SETBP1: variants seen among roughly 807,000 people sequenced by gnomAD.
The protein encoded by SETBP1 is SET-binding protein.
A neutral mutation model predicts 101.0 loss-of-function variants in SETBP1; 9 were observed. The observed-to-expected ratio is 0.09, with a 90% CI of 0.05 to 0.16. The LOEUF (loss-of-function observed/expected upper bound fraction) is 0.16. SETBP1 is among the 10% of genes least tolerant of loss of function. The pLI, the probability that SETBP1 is intolerant of heterozygous loss-of-function variation, is 1.00. For synonymous variants in SETBP1, 818 were observed against 788.5 expected (o/e 1.04, Z -0.63); for missense variants, 1,858 against 2,033.8 (o/e 0.91, Z 1.66).
chr18:44,952,678 A>G lies in SETBP1; in HGVS notation c.3338A>G (p.His1113Arg). 1 of 1,614,166 alleles carries G rather than the reference A, an allele frequency of 6.2e-7. No homozygotes were observed. Among genetic ancestry groups the G allele is most frequent in the Non-Finnish European group, 8.5e-7 (1 of 1,180,034 alleles). The change falls in exon 4 of 6, where the codon CAT becomes CGT. Residue 1113 changes from histidine (H) to arginine (R), a missense_variant. Physicochemically the swap from His to Arg is conservative, Grantham distance 29. Coordinates refer to ENST00000649279, the MANE Select transcript of SETBP1 (RefSeq NM_015559.3). ...MSGAAKHKAK[H>R]GVHLQGPVSM... ...GGTGCAGCTAAGCATAAAGCCAAGC[A>G]TGGAGTACACCTGCAGGGACCTGTT...
intron 3 of SETBP1, chr18:44,877,295 C>A: frequency 1.4e-6 from 1 of 722,916 alleles, no homozygotes; most frequent in Non-Finnish European, 1.7e-6. Flanking sequence ...AAAGTTTCCA[C>A]ACAAAAAGTA....
At chr18:44,835,884 A>C (rs190213104) in intron 2 of SETBP1, among the ~76,000 whole-genome samples, 2 of 152,360 alleles carry the variant, frequency 1.3e-5, no homozygotes, top group African/African-American at 4.8e-5. Flanking sequence ...AAACTCCTAG[A>C]GTAAGAATGT....
chr18:44,848,468 G>A (rs1469035237), intron 2 of SETBP1, among the ~76,000 whole-genome samples: 1 of 152,128 alleles, frequency 6.6e-6, no homozygotes, highest in East Asian at 1.9e-4. Context: ...AGCCATGTTG[G>A]GTTATATGTG....
intron 4 of SETBP1, among the ~76,000 whole-genome samples, chr18:44,967,946 T>A (rs946278315): frequency 6.6e-6 from 1 of 152,220 alleles, no homozygotes; most frequent in Non-Finnish European, 1.5e-5. Flanking sequence ...TAAGTACCTG[T>A]GTTCTTTGTA....
chr18:45,052,965 T>G lies in SETBP1; in HGVS notation c.4172-10114T>G, dbSNP rs186599360. ...CAGACTAGAATATTAATTCACAAAG[T>G]TAATAAAATTAAACTTTGCAGATTT... On this transcript the variant is annotated intron_variant, in intron 5 of 5. Coordinates refer to ENST00000649279, the MANE Select transcript of SETBP1 (RefSeq NM_015559.3). Among the ~76,000 whole-genome samples the G allele has an allele frequency of 7.9e-3, 1,209 of 152,250 alleles. 20 individuals carry two copies. The highest frequency in any genetic ancestry group is 0.027 in the African/African-American group (1,127 of 41,546).
chr18:44,791,730 A>G (rs1180433851), intron 2 of SETBP1, among the ~76,000 whole-genome samples: 1 of 152,104 alleles, frequency 6.6e-6, no homozygotes, highest in Non-Finnish European at 1.5e-5. Context: ...CGAGAGAGAG[A>G]GAGAGAGAGA....
chr18:44,807,061 C>G (rs2071758754), intron 2 of SETBP1, among the ~76,000 whole-genome samples: 1 of 152,092 alleles, frequency 6.6e-6, no homozygotes, highest in Admixed American at 6.6e-5. Context: ...TTAATCTTCA[C>G]CCCCTAACTA....
At chr18:44,993,482 A>T (rs1395381332) in intron 4 of SETBP1, among the ~76,000 whole-genome samples, 1 of 152,088 alleles carries the variant, frequency 6.6e-6, no homozygotes, top group African/African-American at 2.4e-5. Flanking sequence ...AATCCTTTTG[A>T]TATATTTTTC....
At chr18:45,055,505 T>G (rs1039470199) in intron 5 of SETBP1, among the ~76,000 whole-genome samples, 2 of 152,188 alleles carry the variant, frequency 1.3e-5, no homozygotes, top group African/African-American at 4.8e-5. Flanking sequence ...TTTTTAATAG[T>G]TTTTTAAGGA....
intron 4 of SETBP1, among the ~76,000 whole-genome samples, chr18:45,025,722 A>T (rs2073151988): frequency 6.6e-6 from 1 of 152,196 alleles, no homozygotes; most frequent in South Asian, 2.1e-4. Flanking sequence ...AACAAGGGGA[A>T]TGTATGCTGA....
At chr18:44,902,086 C>T (rs1395266551) in intron 3 of SETBP1, among the ~76,000 whole-genome samples, 3 of 152,112 alleles carry the variant, frequency 2.0e-5, no homozygotes, top group African/African-American at 7.2e-5. Flanking sequence ...ATTTAAAATT[C>T]AGTTCTTGGG....
Position 44,822,954 on chromosome 18 carries a change from G to T in SETBP1, c.487-46276G>T, listed in dbSNP as rs1261529908. On this transcript the variant is annotated intron_variant, in intron 2 of 5. Transcript: ENST00000649279. ...GGGTCAGGAGTTTGAGACCAGCCTGGCCAACATGGGGAAACCCCATCTCTA... is the reference window on the plus strand; with the variant it reads ...GGGTCAGGAGTTTGAGACCAGCCTGTCCAACATGGGGAAACCCCATCTCTA... Among the ~76,000 whole-genome samples, 3 of 152,162 alleles carry T rather than the reference G, an allele frequency of 2.0e-5. No homozygotes were observed. The East Asian group carries it at 5.8e-4, about 29-fold the overall frequency.
intron 3 of SETBP1, among the ~76,000 whole-genome samples, chr18:44,919,800 CAT>C (rs1253835028): frequency 1.3e-5 from 2 of 151,866 alleles, no homozygotes; most frequent in East Asian, 1.9e-4. Flanking sequence ...CATATACACA[CAT>C]ATGCATATAC....
At chr18:44,985,743 A>G (rs1427831496) in intron 4 of SETBP1, among the ~76,000 whole-genome samples, 1 of 152,228 alleles carries the variant, frequency 6.6e-6, no homozygotes, top group African/African-American at 2.4e-5. Flanking sequence ...TTTTAGGGCT[A>G]TGAATTCTCC....
intron 4 of SETBP1, among the ~76,000 whole-genome samples, chr18:45,023,426 T>G (rs1299568099): frequency 6.6e-6 from 1 of 152,228 alleles, no homozygotes; most frequent in Non-Finnish European, 1.5e-5. Context: ...AGACTGTTTC[T>G]TATATTTTAC....
chr18:44,928,332 A>T (rs1005385832), intron 3 of SETBP1, among the ~76,000 whole-genome samples: 11 of 152,166 alleles, frequency 7.2e-5, no homozygotes, highest in Non-Finnish European at 1.0e-4. Flanking sequence ...TCTATCATTG[A>T]TGGACATTTG....
At position 44,793,168 on chromosome 18, in the gene SETBP1, G is replaced by T. The variant is rs571502073; in HGVS notation, c.487-76062G>T. ...TTATTGTGTCCAAACCTCCCCTTTTGCAGATGCATGTGCTGAATGAGCCGT... is the reference window on the plus strand; with the variant it reads ...TTATTGTGTCCAAACCTCCCCTTTTTCAGATGCATGTGCTGAATGAGCCGT... On this transcript the variant is annotated intron_variant, in intron 2 of 5. Transcript: ENST00000649279. Among the ~76,000 whole-genome samples, 3 of 152,330 alleles carry T rather than the reference G, an allele frequency of 2.0e-5. No homozygotes were observed. In the South Asian group the frequency reaches 6.2e-4, roughly 32 times the overall value.
intron 5 of SETBP1, among the ~76,000 whole-genome samples, chr18:45,052,200 G>A (rs2073733814): frequency 6.6e-6 from 1 of 152,224 alleles, no homozygotes; most frequent in South Asian, 2.1e-4. Context: ...TTTACGAAGA[G>A]CGTTCATATA....
Position 44,808,253 on chromosome 18 carries a change from CCTGA to C in SETBP1, c.487-60972_487-60969del, listed in dbSNP as rs1054986363. On this transcript the variant is annotated intron_variant, in intron 2 of 5. Transcript: ENST00000649279. ...TGTGCCATCTCTTTCCTGTTAAGACCCTGACTGATCTACCCTCCTTCACATGTCT... is the reference window on the plus strand; with the variant it reads ...TGTGCCATCTCTTTCCTGTTAAGACCCTGATCTACCCTCCTTCACATGTCT... 3.0e-4 allele frequency among the ~76,000 whole-genome samples: 45 copies of C among 152,216 alleles called. 1 individual carries two copies. The highest frequency in any genetic ancestry group is 1.0e-4 in the Non-Finnish European group (7 of 68,014).
Sources: allele counts gnomAD v4.1 joint callset (sites outside exome capture counted in the v4.1 genomes callset), GRCh38; gene constraint gnomAD v4.1.1; transcripts MANE v1.5; gene names NCBI Gene and HGNC (gene_info 2026-07-23, HGNC 2026-07-21).